Variants in BLOC1S2 observed in about 807,000 individuals in gnomAD.
BLOC1S2 encodes the protein biogenesis of lysosome-related organelles complex 1 subunit 2.
In BLOC1S2, 12 loss-of-function variants were observed where a neutral mutation model predicts 19.6. The ratio of observed to expected loss-of-function variants is 0.61; its 90% CI spans 0.39 to 0.99. The LOEUF (loss-of-function observed/expected upper bound fraction) is 0.99. Among genes scored for constraint, BLOC1S2 ranks in the 50% least tolerant of loss-of-function variants. The pLI is 0.00. For synonymous variants in BLOC1S2, 66 were observed against 64.1 expected (o/e 1.03, Z -0.14); for missense variants, 142 against 171.0 (o/e 0.83, Z 0.95).
At chr10:100,284,489 A>G (rs1848186188) in intron 2 of BLOC1S2, among the ~76,000 whole-genome samples, 1 of 152,044 alleles carries the variant, frequency 6.6e-6, no homozygotes, top group Non-Finnish European at 1.5e-5. Context: ...AGCAGACCTC[A>G]TCTCTATTAT....
intron 4 of BLOC1S2, among the ~76,000 whole-genome samples, chr10:100,279,583 A>G (rs1848047034): frequency 6.6e-6 from 1 of 152,176 alleles, no homozygotes; most frequent in Non-Finnish European, 1.5e-5. Flanking sequence ...AAGTACAAAA[A>G]AAAATCATGT....
chr10:100,279,815 A>G (rs1848056166), intron 4 of BLOC1S2, among the ~76,000 whole-genome samples: 1 of 152,064 alleles, frequency 6.6e-6, no homozygotes, highest in Non-Finnish European at 1.5e-5. Context: ...CAGGAGGCGG[A>G]GGTTGCGGTG....
chr10:100,286,670 G>C lies in BLOC1S2; in HGVS notation c.-11C>G. On this transcript the variant is annotated 5_prime_UTR_variant, in exon 1 of 5. Transcript: ENST00000370372. ...GGCTGCCGCCGCCATAGCGGACCCCGCGCTGTTTCCGGGCCGGGGTGCTGC... is the reference window on the plus strand; with the variant it reads ...GGCTGCCGCCGCCATAGCGGACCCCCCGCTGTTTCCGGGCCGGGGTGCTGC... The C allele has an allele frequency of 6.2e-7, 1 of 1,609,298 alleles. No homozygotes were observed. Among genetic ancestry groups the C allele is most frequent in the Non-Finnish European group, 8.5e-7 (1 of 1,177,832 alleles).
chr10:100,277,655 TG>T (rs1358090096), intron 4 of BLOC1S2, among the ~76,000 whole-genome samples: 2 of 77,798 alleles, frequency 2.6e-5, no homozygotes, highest in South Asian at 8.7e-4. Context: ...AGGAGGGAGG[TG>T]GGGGGCTCAG....
Position 100,277,535 on chromosome 10 carries a change from G to GC in BLOC1S2, c.398-2043_398-2042insG, listed in dbSNP as rs1847937896. On this transcript the variant is annotated intron_variant, in intron 4 of 4. Transcript: ENST00000370372. ...GGGTCAGCCCCCCGCCTGGCCAGCTGTCCCGTCCGGGAGGGAGGTGGGGGG... is the reference window on the plus strand; with the variant it reads ...GGGTCAGCCCCCCGCCTGGCCAGCTGCTCCCGTCCGGGAGGGAGGTGGGGGG... 2.7e-5 allele frequency among the ~76,000 whole-genome samples: 3 copies of GC among 109,368 alleles called. 1 individual carries two copies. Among genetic ancestry groups the GC allele is most frequent in the African/African-American group, 7.7e-5 (2 of 25,834 alleles). 71.7% of individuals were successfully genotyped at this position (109,368 alleles called of 152,430 possible).
At chr10:100,281,405 G>T (rs906099769) in intron 2 of BLOC1S2, among the ~76,000 whole-genome samples, 2 of 152,054 alleles carry the variant, frequency 1.3e-5, no homozygotes, top group Non-Finnish European at 2.9e-5. Flanking sequence ...ATACTATCAG[G>T]CTGGGCGCGG....
rs1344997755 is a variant in BLOC1S2 at position 100,274,879 on chromosome 10, C to T, written c.*583G>A. 3 of 398,118 alleles carry T rather than the reference C, an allele frequency of 7.5e-6. No individual in the cohort carries two copies. The highest frequency in any genetic ancestry group is 1.3e-5 in the Non-Finnish European group (3 of 225,944). 24.7% of individuals were successfully genotyped at this position (398,118 alleles called of 1,614,324 possible). A position where few individuals can be genotyped will look rare whatever the true frequency, so the allele number is the denominator to read the frequency against. On this transcript the variant is annotated 3_prime_UTR_variant, in exon 5 of 5. Coordinates refer to ENST00000370372, the MANE Select transcript of BLOC1S2 (RefSeq NM_173809.5). ...TCACATACGCCAAGTTATCAATACT[C>T]CTTTCACCATTTCTGCTCAATCTAG...
chr10:100,280,073 G>A (rs1157310938), intron 4 of BLOC1S2, 51 bp downstream of exon 4: 4 of 1,403,632 alleles, frequency 2.8e-6, no homozygotes, highest in East Asian at 4.6e-5. Flanking sequence ...CTAAGAATAT[G>A]CTGGCAAGAA....
At chr10:100,284,314 A>G (rs1848182410) in intron 2 of BLOC1S2, among the ~76,000 whole-genome samples, 1 of 152,224 alleles carries the variant, frequency 6.6e-6, no homozygotes, top group Non-Finnish European at 1.5e-5. Context: ...GAGAAGCCAA[A>G]CACCTACATT....
intron 1 of BLOC1S2, 26 bp downstream of exon 1, chr10:100,286,579 G>A (rs774667104): frequency 8.1e-6 from 13 of 1,612,152 alleles, no homozygotes; most frequent in Non-Finnish European, 1.1e-5. Context: ...CCCACCGGAC[G>A]CTTCCTCCCC....
At chr10:100,286,349 T>A in intron 1 of BLOC1S2, 136 bp from the exon 2 acceptor site, 2 of 1,466,074 alleles carry the variant, frequency 1.4e-6, no homozygotes, top group South Asian at 1.4e-5. Context: ...TAATTTCAAG[T>A]CCTTCACTGC....
intron 4 of BLOC1S2, among the ~76,000 whole-genome samples, chr10:100,277,075 C>A (rs1273887025): frequency 1.3e-5 from 2 of 151,474 alleles, no homozygotes; most frequent in Admixed American, 6.6e-5. Flanking sequence ...TCCTCCCGGC[C>A]GCCATCCCAT....
intron 2 of BLOC1S2, among the ~76,000 whole-genome samples, chr10:100,282,343 G>A (rs1848129894): frequency 6.6e-6 from 1 of 152,170 alleles, no homozygotes. Context: ...TACCCTTGTA[G>A]TCTGGTTTTT....
chr10:100,284,945 A>C (rs917787971), intron 2 of BLOC1S2, among the ~76,000 whole-genome samples: 4 of 151,764 alleles, frequency 2.6e-5, no homozygotes, highest in African/African-American at 9.7e-5. Context: ...GGATGGAAGC[A>C]GACTAAGATG....
rs1163603192 is a variant in BLOC1S2, at chr10:100,285,947, CTT to C, written c.172+148_172+149del. 6 of 1,061,130 alleles carry C rather than the reference CTT, an allele frequency of 5.7e-6. No individual in the cohort carries two copies. In the African/African-American group the frequency reaches 9.6e-5, roughly 17 times the overall value. 65.7% of individuals were successfully genotyped at this position (1,061,130 alleles called of 1,614,324 possible). On this transcript the variant is annotated intron_variant, in intron 2 of 4. Coordinates refer to ENST00000370372, the MANE Select transcript of BLOC1S2 (RefSeq NM_173809.5). The stretch of plus-strand genomic sequence containing the variant: ...ACAGAGGCCTGCAGAGTTGTATTTT[CTT>C]TCTCTCCCATTCATGGCCTCCCCCA...
chr10:100,286,312 C>A, intron 1 of BLOC1S2, 99 bp from the exon 2 acceptor site: 1 of 1,509,126 alleles, frequency 6.6e-7, no homozygotes, highest in Non-Finnish European at 8.9e-7. Context: ...TTCATTCCAT[C>A]AAGTCGGCTC....
At position 100,280,966 on chromosome 10, in the gene BLOC1S2, A is replaced by G; in HGVS notation, c.260T>C (p.Ile87Thr). ...GTTTAAGTCCTTTAAGTTCCTACTA[A>G]TGTTTATAGCAATATCTTTCATTTC... ...YLEMKDIAIN[I>T]SRNLKDLNQK... is the part of the protein sequence containing the mutation. Residue 87 changes from isoleucine (I) to threonine (T), a missense_variant, in exon 3 of 5, where the codon ATT (isoleucine) becomes ACT (threonine). Physicochemically the swap from Ile to Thr is moderately conservative, Grantham distance 89. Around this residue, in one of 2 missense-constraint regions of BLOC1S2, gnomAD observed 94 missense variants for 141.3 expected, o/e 0.67. Transcript: ENST00000370372. The G allele has an allele frequency of 6.2e-7, 1 of 1,613,280 alleles. No homozygotes were observed. Among genetic ancestry groups the G allele is most frequent in the Non-Finnish European group, 8.5e-7 (1 of 1,179,770 alleles).
intron 4 of BLOC1S2, among the ~76,000 whole-genome samples, chr10:100,278,189 G>A (rs866229396): frequency 3.9e-4 from 57 of 145,932 alleles, no homozygotes; most frequent in Middle Eastern, 3.6e-3. Context: ...CCGGCCAGCC[G>A]CCCCGTCCGG....
chr10:100,276,575 C>T (rs1410288361), intron 4 of BLOC1S2, among the ~76,000 whole-genome samples: 1 of 151,222 alleles, frequency 6.6e-6, no homozygotes, highest in Non-Finnish European at 1.5e-5. Context: ...TGTACTGCTG[C>T]CATCTCGGCT....
Sources: allele counts gnomAD v4.1 joint callset (sites outside exome capture counted in the v4.1 genomes callset), GRCh38; gene constraint gnomAD v4.1.1; regional missense constraint gnomAD v4.1.1; transcripts MANE v1.5; gene names NCBI Gene and HGNC (gene_info 2026-07-23, HGNC 2026-07-21).